Variants in GABRB1 observed in about 807,000 individuals in gnomAD.
GABRB1 encodes gamma-aminobutyric acid receptor subunit beta-1.
GABRB1 carries 17 observed loss-of-function variants against 51.6 expected under a neutral mutation model. The observed-to-expected ratio is 0.33, with a 90% CI of 0.23 to 0.49. GABRB1 has a LOEUF of 0.49. GABRB1 is among the 20% of genes least tolerant of loss of function. The pLI is 0.99. For missense variants in GABRB1, 410 were observed against 600.6 expected, an observed-to-expected ratio of 0.68 and a Z score of 3.32; for synonymous variants, 247 against 218.9, an observed-to-expected ratio of 1.13 and a Z score of -1.14.
chr4:47,181,766 A>G (rs910591748), intron 4 of GABRB1, among the ~76,000 whole-genome samples: 1 of 152,044 alleles, frequency 6.6e-6, no homozygotes, highest in South Asian at 2.1e-4. Flanking sequence ...AGATTTAATG[A>G]CATTTGTTTT....
At chr4:47,116,199 G>A (rs1046444413) in intron 3 of GABRB1, among the ~76,000 whole-genome samples, 2 of 152,134 alleles carry the variant, frequency 1.3e-5, no homozygotes, top group Admixed American at 1.3e-4. Flanking sequence ...GTATTCATGG[G>A]ATCCATAAAT....
chr4:47,049,383 G>A (rs1013241082), intron 3 of GABRB1, among the ~76,000 whole-genome samples: 8 of 152,144 alleles, frequency 5.3e-5, no homozygotes, highest in Admixed American at 3.3e-4. Context: ...TTCTTGAGGG[G>A]AGAATACAGA....
chr4:47,136,563 A>G (rs1262608123), intron 3 of GABRB1, among the ~76,000 whole-genome samples: 2 of 152,144 alleles, frequency 1.3e-5, no homozygotes, highest in Non-Finnish European at 1.5e-5. Flanking sequence ...ATACTGCTAA[A>G]TTTGTCTAGA....
chr4:47,298,888 G>C (rs1013212335), intron 4 of GABRB1, among the ~76,000 whole-genome samples: 7 of 151,816 alleles, frequency 4.6e-5, no homozygotes, highest in African/African-American at 1.5e-4. Context: ...TACCAAAACA[G>C]AGATATAGAC....
At chr4:47,258,728 C>T (rs947200563) in intron 4 of GABRB1, among the ~76,000 whole-genome samples, 3 of 152,152 alleles carry the variant, frequency 2.0e-5, no homozygotes, top group African/African-American at 7.2e-5. Context: ...ACAAAATTTT[C>T]TATGAAATCA....
upstream of GABRB1, among the ~76,000 whole-genome samples, chr4:47,028,887 G>A (rs904636034): frequency 6.8e-6 from 1 of 147,092 alleles, no homozygotes; most frequent in East Asian, 2.0e-4. Context: ...ATATATATAT[G>A]GTGTATATGT....
In GABRB1 at chr4:47,384,166, C is replaced by T. The variant is rs183968747; in HGVS notation, c.545-19152C>T. On this transcript the variant is annotated intron_variant, in intron 5 of 8. Transcript: ENST00000295454. ...AAAATTTTTGAAAGAAAAAATCATC[C>T]ATAATATTATCATTCATAGATAACC... Among the ~76,000 whole-genome samples the T allele has an allele frequency of 9.5e-3, 1,445 of 151,974 alleles. 24 individuals are homozygous for T. Among genetic ancestry groups the T allele is most frequent in the African/African-American group, 0.033 (1,376 of 41,478 alleles).
At chr4:47,268,597 C>A (rs774737902) in intron 4 of GABRB1, among the ~76,000 whole-genome samples, 3 of 152,120 alleles carry the variant, frequency 2.0e-5, no homozygotes, top group Non-Finnish European at 2.9e-5. Flanking sequence ...ATCCCCATTA[C>A]TTAGTCATTA....
At position 47,284,670 on chromosome 4, in the gene GABRB1, G is replaced by A. The variant is rs577737347; in HGVS notation, c.462-35457G>A. Among the ~76,000 whole-genome samples, 15 of 152,202 alleles carry A rather than the reference G, an allele frequency of 9.9e-5. No homozygotes were observed. The South Asian group carries it at 1.0e-3, about 11-fold the overall frequency. On this transcript the variant is annotated intron_variant, in intron 4 of 8. Transcript: ENST00000295454. ...GCTTTTTAGCTGTGTTCTCTTGACA[G>A]GATCCTACAACCAAAGCTAAAGGGC...
intron 5 of GABRB1, among the ~76,000 whole-genome samples, chr4:47,377,824 T>C (rs986848209): frequency 1.3e-5 from 2 of 152,140 alleles, no homozygotes; most frequent in Non-Finnish European, 1.5e-5. Context: ...TGTCCATTGG[T>C]GCATTCACAA....
At chr4:47,187,578 A>G (rs188902002) in intron 4 of GABRB1, among the ~76,000 whole-genome samples, 16 of 151,938 alleles carry the variant, frequency 1.1e-4, no homozygotes, top group African/African-American at 3.9e-4. Flanking sequence ...GCGTGAAATT[A>G]TATGGATCCT....
intron 5 of GABRB1, among the ~76,000 whole-genome samples, chr4:47,377,117 C>T (rs918764743): frequency 4.6e-5 from 7 of 152,072 alleles, no homozygotes; most frequent in South Asian, 2.1e-4. Context: ...ATAGTAGATA[C>T]GCAGTGAATG....
At chr4:47,374,517 C>T (rs1471698641) in intron 5 of GABRB1, among the ~76,000 whole-genome samples, 2 of 152,174 alleles carry the variant, frequency 1.3e-5, no homozygotes, top group Non-Finnish European at 2.9e-5. Context: ...GAGACCTTAT[C>T]CAAAGGAGTA....
intron 1 of GABRB1, among the ~76,000 whole-genome samples, chr4:47,014,085 C>A (rs1171805685): frequency 1.3e-5 from 2 of 152,066 alleles, no homozygotes; most frequent in Non-Finnish European, 2.9e-5. Context: ...AAGTAGGTAT[C>A]CAGGTTTATT....
At chr4:47,306,446 A>G (rs1037969018) in intron 4 of GABRB1, among the ~76,000 whole-genome samples, 1 of 151,102 alleles carries the variant, frequency 6.6e-6, no homozygotes, top group African/African-American at 2.4e-5. Flanking sequence ...AAGGGAGAGG[A>G]GAAGGGAGGG....
intron 5 of GABRB1, among the ~76,000 whole-genome samples, chr4:47,337,808 T>TAAAAAAAA: frequency 1.2e-5 from 1 of 84,484 alleles, no homozygotes; most frequent in Non-Finnish European, 2.2e-5. Flanking sequence ...AGACTCTGTC[T>TAAAAAAAA]AAAAAAAAAA....
At chr4:47,002,337 G>A (rs989449813) in intron 1 of GABRB1, among the ~76,000 whole-genome samples, 1 of 152,160 alleles carries the variant, frequency 6.6e-6, no homozygotes, top group Non-Finnish European at 1.5e-5. Context: ...GATGCAGAAT[G>A]TGTTGTGTAT....
chr4:47,110,392 C>A (rs939361742), intron 3 of GABRB1, among the ~76,000 whole-genome samples: 2 of 152,132 alleles, frequency 1.3e-5, no homozygotes, highest in Admixed American at 6.5e-5. Context: ...TCTATGCTAT[C>A]TTTTCTTTTT....
At chr4:47,279,354 T>G (rs1489216046) in intron 4 of GABRB1, among the ~76,000 whole-genome samples, 1 of 152,156 alleles carries the variant, frequency 6.6e-6, no homozygotes, top group Non-Finnish European at 1.5e-5. Context: ...TACAAGCGAA[T>G]AGAATAAAAT....
Sources: allele counts gnomAD v4.1 joint callset (sites outside exome capture counted in the v4.1 genomes callset), GRCh38; gene constraint gnomAD v4.1.1; transcripts MANE v1.5; gene names NCBI Gene and HGNC (gene_info 2026-07-23, HGNC 2026-07-21).